The following SAMSN1 variants were observed in gnomAD, a reference collection of about 807,000 sequenced individuals.
The protein encoded by SAMSN1 is SAM domain-containing protein SAMSN-1.
SAMSN1 carries 31 observed loss-of-function variants against 42.0 expected under a neutral mutation model. The observed-to-expected ratio is 0.74, with a 90% confidence interval of 0.55 to 1.00. SAMSN1 has a LOEUF of 1.00. Ranked by LOEUF, SAMSN1 falls within the 50% of genes least tolerant of loss-of-function variation. The probability of loss-of-function intolerance (pLI) is 0.00; values close to 1 mark genes in which losing one functional copy is unlikely to be tolerated. For synonymous variants in SAMSN1, 178 were observed against 151.9 expected, an observed-to-expected ratio of 1.17 and a Z score of -1.26; for missense variants, 464 against 439.4, an observed-to-expected ratio of 1.06 and a Z score of -0.50.
chr21:14,562,747 A>C (rs776462812), intron 2 of SAMSN1, among the ~76,000 whole-genome samples: 21 of 152,134 alleles, frequency 1.4e-4, no homozygotes, highest in Admixed American at 2.6e-4. Context: ...CATATCTTGA[A>C]CTATCTACTC....
At chr21:14,536,590 G>A (rs1161419623) in intron 1 of SAMSN1, among the ~76,000 whole-genome samples, 1 of 152,206 alleles carries the variant, frequency 6.6e-6, no homozygotes, top group Non-Finnish European at 1.5e-5. Context: ...AAATGTATTA[G>A]TGCTTTGTTT....
chr21:14,508,376 C>T (rs569392812), intron 5 of SAMSN1, among the ~76,000 whole-genome samples: 1 of 152,020 alleles, frequency 6.6e-6, no homozygotes, highest in South Asian at 2.1e-4. Context: ...ACAAACAATC[C>T]CATCAAAAAG....
chr21:14,593,338 A>G (rs1406122032), intron 7 of SAMSN1, among the ~76,000 whole-genome samples: 1 of 152,158 alleles, frequency 6.6e-6, no homozygotes, highest in African/African-American at 2.4e-5. Context: ...ATCTAGAACA[A>G]GAACTACAAA....
At chr21:14,514,105 T>C (rs1325676257) in intron 3 of SAMSN1, among the ~76,000 whole-genome samples, 1 of 152,178 alleles carries the variant, frequency 6.6e-6, no homozygotes, top group East Asian at 1.9e-4. Flanking sequence ...TCTAGTGGAA[T>C]GTAGGGTTCC....
intron 2 of SAMSN1, among the ~76,000 whole-genome samples, chr21:14,633,126 T>C (rs900696572): frequency 6.6e-6 from 1 of 152,150 alleles, no homozygotes; most frequent in African/African-American, 2.4e-5. Flanking sequence ...TGTGTCAACA[T>C]GGCTAGGCCA....
intron 1 of SAMSN1, among the ~76,000 whole-genome samples, chr21:14,527,102 C>T (rs1246812580): frequency 6.6e-6 from 1 of 152,192 alleles, no homozygotes; most frequent in East Asian, 1.9e-4. Context: ...ATTACACACA[C>T]TCTCCCAACA....
intron 2 of SAMSN1, among the ~76,000 whole-genome samples, chr21:14,642,095 G>A (rs1247736200): frequency 6.6e-6 from 1 of 152,170 alleles, no homozygotes; most frequent in Non-Finnish European, 1.5e-5. Context: ...CTTTATTCCT[G>A]TCATCTTCAC....
intron 1 of SAMSN1, among the ~76,000 whole-genome samples, chr21:14,583,144 A>G (rs1380357069): frequency 6.6e-6 from 1 of 152,232 alleles, no homozygotes; most frequent in Non-Finnish European, 1.5e-5. Context: ...ATTTCTAGTA[A>G]TGTAGAAAAC....
chr21:14,572,625 C>A (rs893113761), intron 2 of SAMSN1, among the ~76,000 whole-genome samples: 4 of 152,150 alleles, frequency 2.6e-5, no homozygotes, highest in African/African-American at 9.7e-5. Flanking sequence ...GGCAGTAATG[C>A]TTTGCCTAAT....
chr21:14,627,043 T>A (rs561766651), intron 2 of SAMSN1, among the ~76,000 whole-genome samples: 1 of 151,842 alleles, frequency 6.6e-6, no homozygotes, highest in Admixed American at 6.6e-5. Context: ...AACCAAACAC[T>A]GCATGTTCTC....
chr21:14,651,147 G>T (rs185495279), intron 1 of SAMSN1, among the ~76,000 whole-genome samples: 9 of 151,890 alleles, frequency 5.9e-5, no homozygotes, highest in Admixed American at 2.0e-4. Context: ...CCAAAAAGTG[G>T]AGGAGAGGGG....
chr21:14,486,695 G>C (rs759444720), intron 7 of SAMSN1, among the ~76,000 whole-genome samples: 2 of 152,030 alleles, frequency 1.3e-5, no homozygotes, highest in Non-Finnish European at 2.9e-5. Flanking sequence ...TCACAAAATA[G>C]GCATAAGAAA....
At chr21:14,650,020 C>T (rs1246947486) in intron 1 of SAMSN1, among the ~76,000 whole-genome samples, 1 of 152,060 alleles carries the variant, frequency 6.6e-6, no homozygotes, top group Non-Finnish European at 1.5e-5. Context: ...ATGCACCCAA[C>T]ACTGGAGTAC....
At chr21:14,502,687 C>A (rs1411160197) in intron 5 of SAMSN1, among the ~76,000 whole-genome samples, 1 of 152,090 alleles carries the variant, frequency 6.6e-6, no homozygotes, top group Admixed American at 6.5e-5. Context: ...CTCTCTCCCA[C>A]AATGGTTACT....
In SAMSN1 at chr21:14,544,037, G is replaced by A. The variant is rs776445787; in HGVS notation, c.57+2168C>T. The stretch of plus-strand genomic sequence containing the variant: ...CCTTTTATTTGTAGGGATTATCACA[G>A]CATCCACCTCTGCCAATTTTTTTTC... On this transcript the variant is annotated intron_variant, in intron 1 of 7. Coordinates refer to ENST00000400566, the MANE Select transcript of SAMSN1 (RefSeq NM_022136.5). Among the ~76,000 whole-genome samples, 86 of 152,220 alleles carry A rather than the reference G, an allele frequency of 5.6e-4. 1 individual carries two copies. In the Middle Eastern group the frequency reaches 0.01, roughly 18 times the overall value.
chr21:14,507,866 C>T (rs1452829768), intron 5 of SAMSN1, among the ~76,000 whole-genome samples: 1 of 151,142 alleles, frequency 6.6e-6, no homozygotes, highest in Non-Finnish European at 1.5e-5. Flanking sequence ...GCACATAGAC[C>T]AATGGAACAG....
rs116818857 is a variant in SAMSN1, at chr21:14,522,197, G to A, written c.58-976C>T. ...GCTTACAAAGCTACATTTTTATTAT[G>A]CAACTCAATGTAGGCAGGCAATTAT... is the stretch of plus-strand genomic sequence containing the variant. On this transcript the variant is annotated intron_variant, in intron 1 of 7. Coordinates refer to ENST00000400566, the MANE Select transcript of SAMSN1 (RefSeq NM_022136.5). Among the ~76,000 whole-genome samples, 890 of 152,264 alleles carry A rather than the reference G, an allele frequency of 5.8e-3. 8 individuals are homozygous for A. The highest frequency in any genetic ancestry group is 0.019 in the African/African-American group (809 of 41,536).
intron 5 of SAMSN1, among the ~76,000 whole-genome samples, chr21:14,605,852 ATTTT>A (rs890748252): frequency 6.2e-5 from 9 of 145,022 alleles, no homozygotes; most frequent in South Asian, 4.4e-4. Flanking sequence ...TTATTTATTT[ATTTT>A]TTTGAGATGG....
At chr21:14,513,074 T>A (rs1987758286) in intron 3 of SAMSN1, among the ~76,000 whole-genome samples, 1 of 152,244 alleles carries the variant, frequency 6.6e-6, no homozygotes, top group South Asian at 2.1e-4. Context: ...AAAGCAAAGC[T>A]TATCTAAAAA....
Sources: gnomAD v4.1 joint callset for allele counts (sites outside exome capture counted in the v4.1 genomes callset) on GRCh38, gnomAD v4.1.1 for gene constraint, MANE v1.5 for transcripts, NCBI Gene and HGNC (gene_info 2026-07-23, HGNC 2026-07-21) for gene names.